NSUN6: variants seen among roughly 807,000 people sequenced by gnomAD.
NSUN6 encodes the protein tRNA (cytosine(72)-C(5))-methyltransferase NSUN6.
In NSUN6, 64 loss-of-function variants were observed where a neutral mutation model predicts 58.0. The observed-to-expected ratio is 1.10, with a 90% CI of 0.90 to 1.36. The LOEUF (loss-of-function observed/expected upper bound fraction) is 1.36. NSUN6 is among the 40% of genes most tolerant of loss of function. NSUN6 has a pLI of 0.00. For missense variants in NSUN6, 701 were observed against 550.1 expected (o/e 1.27, Z -2.74); for synonymous variants, 231 against 193.9 (o/e 1.19, Z -1.59).
At chr10:18,586,599 T>A (rs1357070365) in intron 7 of NSUN6, among the ~76,000 whole-genome samples, 1 of 151,960 alleles carries the variant, frequency 6.6e-6, no homozygotes. Flanking sequence ...TCCAGAGTTG[T>A]TTGTTCCTCC....
intron 8 of NSUN6, among the ~76,000 whole-genome samples, chr10:18,574,011 G>C (rs2056526221): frequency 6.6e-6 from 1 of 152,058 alleles, no homozygotes; most frequent in South Asian, 2.1e-4. Context: ...CTGAAGGAAA[G>C]GCTCATAACT....
intron 3 of NSUN6, among the ~76,000 whole-genome samples, chr10:18,625,730 A>T (rs1174585341): frequency 4.0e-5 from 6 of 148,462 alleles, no homozygotes; most frequent in African/African-American, 1.5e-4. Context: ...TAAAAAAAAA[A>T]AAAAAAAAAA....
intron 8 of NSUN6, among the ~76,000 whole-genome samples, chr10:18,563,379 C>T (rs538647957): frequency 4.2e-5 from 6 of 143,170 alleles, no homozygotes; most frequent in East Asian, 2.1e-4. Context: ...TGGAATGGAA[C>T]GGAGAATGGT....
rs576694628 is a variant in NSUN6, at chr10:18,576,248, T to G, written c.922+9701A>C. On this transcript the variant is annotated intron_variant, in intron 8 of 10. Coordinates refer to ENST00000377304, the MANE Select transcript of NSUN6 (RefSeq NM_182543.5). The stretch of plus-strand genomic sequence containing the variant: ...CACCTCAAACTACTGCATTTGATGC[T>G]TGCCTTCTTATACCCTATAAGGACT... Among the ~76,000 whole-genome samples, 15 of 152,258 alleles carry G rather than the reference T, an allele frequency of 9.9e-5. No individual in the cohort carries two copies. In the South Asian group the frequency reaches 3.1e-3, roughly 32 times the overall value.
rs572736323 is a variant in NSUN6 at position 18,577,739 on chromosome 10, C to A, written c.922+8210G>T. On this transcript the variant is annotated intron_variant, in intron 8 of 10. Coordinates refer to ENST00000377304, the MANE Select transcript of NSUN6 (RefSeq NM_182543.5). ...CTTCTACTTTTAAACTTAACTTCCT[C>A]GTAACCCAACCTTTATCGATCACCT... is the stretch of plus-strand genomic sequence containing the variant. Among the ~76,000 whole-genome samples the A allele has an allele frequency of 4.6e-5, 7 of 152,316 alleles. No individual in the cohort carries two copies. In the South Asian group the frequency reaches 6.2e-4, roughly 14 times the overall value.
chr10:18,656,429 C>T (rs1330499627), upstream of NSUN6, among the ~76,000 whole-genome samples: 1 of 152,108 alleles, frequency 6.6e-6, no homozygotes, highest in African/African-American at 2.4e-5. Flanking sequence ...CCCAGCTACT[C>T]AAGAGACTGA....
In NSUN6 at chr10:18,558,389, C is replaced by G. The variant is rs142004920; in HGVS notation, c.923-6418G>C. Among the ~76,000 whole-genome samples, 55 of 140,384 alleles carry G rather than the reference C, an allele frequency of 3.9e-4. 1 individual carries two copies. In the East Asian group the frequency reaches 5.7e-3, roughly 15 times the overall value. The allele number at this position is 140,384 out of a possible 152,430, so 92.1% of individuals were successfully genotyped here. A position where few individuals can be genotyped will look rare whatever the true frequency, so the allele number is the denominator to read the frequency against. On this transcript the variant is annotated intron_variant, in intron 8 of 10. Coordinates refer to ENST00000377304, the MANE Select transcript of NSUN6 (RefSeq NM_182543.5). Reference sequence around the variant, plus strand: ...ATGGAGTGGAGAATGGAATGGAATGCAGTGGTGAATAGAATGAAATGGAGA... The same window carrying G: ...ATGGAGTGGAGAATGGAATGGAATGGAGTGGTGAATAGAATGAAATGGAGA...
chr10:18,624,781 T>C (rs1201713666), intron 3 of NSUN6, among the ~76,000 whole-genome samples: 1 of 151,266 alleles, frequency 6.6e-6, no homozygotes, highest in African/African-American at 2.4e-5. Context: ...CTTGAGAGGA[T>C]GGGTCTTGGC....
intron 8 of NSUN6, among the ~76,000 whole-genome samples, chr10:18,583,471 G>A (rs367795642): frequency 6.6e-6 from 1 of 152,038 alleles, no homozygotes; most frequent in East Asian, 1.9e-4. Flanking sequence ...TATGAGATAT[G>A]CAAAGAAAAA....
At chr10:18,556,567 T>A (rs150026807) in intron 8 of NSUN6, among the ~76,000 whole-genome samples, 7,333 of 149,290 alleles carry the variant, frequency 0.049, 264 homozygotes, top group Non-Finnish European at 0.078. Context: ...AATGGAATGT[T>A]ATGGAATGGA....
At chr10:18,650,658 T>C (rs2059676831) in intron 1 of NSUN6, among the ~76,000 whole-genome samples, 1 of 152,190 alleles carries the variant, frequency 6.6e-6, no homozygotes, top group Admixed American at 6.5e-5. Context: ...CTTGAGCAGT[T>C]TTCTGCTCAA....
intron 3 of NSUN6, among the ~76,000 whole-genome samples, chr10:18,620,998 T>C (rs2058585949): frequency 6.6e-6 from 1 of 152,242 alleles, no homozygotes; most frequent in South Asian, 2.1e-4. Context: ...TCTGTTATCT[T>C]TGAAAAGCCT....
chr10:18,554,596 T>G (rs1173774131), intron 8 of NSUN6, among the ~76,000 whole-genome samples: 4 of 150,076 alleles, frequency 2.7e-5, no homozygotes, highest in African/African-American at 9.8e-5. Context: ...GAGAATGGAA[T>G]GGACTGTAGT....
At chr10:18,646,130 G>A (rs899093737) in intron 2 of NSUN6, among the ~76,000 whole-genome samples, 1 of 152,098 alleles carries the variant, frequency 6.6e-6, no homozygotes, top group Non-Finnish European at 1.5e-5. Context: ...GGGAGGCAGA[G>A]GTTGCAGTGA....
chr10:18,632,098 C>A lies in NSUN6; in HGVS notation c.311+10378G>T, dbSNP rs2059051905. Among the ~76,000 whole-genome samples the A allele has an allele frequency of 1.3e-5, 2 of 150,830 alleles. 1 individual carries two copies. The highest frequency in any genetic ancestry group is 4.2e-4 in the South Asian group (2 of 4,748). ...CAGAACAGAGCCCTCAGAAATAATG[C>A]CGCATATCTACAACTATCTGATCTT... On this transcript the variant is annotated intron_variant, in intron 3 of 10. Coordinates refer to ENST00000377304, the MANE Select transcript of NSUN6 (RefSeq NM_182543.5).
rs71402191 is a variant in NSUN6, at chr10:18,645,157, C to CAA, written c.232-2604_232-2603dup. ...TGGCTGACAGAGCGAGACTCCCTCT[C>CAA]AAAAAAAAAAAAAAAAAAAAAGAAA... On this transcript the variant is annotated intron_variant, in intron 2 of 10. Transcript: ENST00000377304. Among the ~76,000 whole-genome samples the CAA allele has an allele frequency of 3.4e-3, 358 of 106,088 alleles. 3 individuals are homozygous for CAA. The highest frequency in any genetic ancestry group is 0.011 in the African/African-American group (316 of 28,724). 69.6% of individuals were successfully genotyped at this position (106,088 alleles called of 152,430 possible). A position where few individuals can be genotyped will look rare whatever the true frequency, so the allele number is the denominator to read the frequency against.
At chr10:18,627,278 A>G (rs1053994956) in intron 3 of NSUN6, among the ~76,000 whole-genome samples, 4 of 152,240 alleles carry the variant, frequency 2.6e-5, no homozygotes, top group African/African-American at 9.6e-5. Flanking sequence ...TGTTTACTGT[A>G]TATAAAGTTT....
At chr10:18,615,106 C>CATAT (rs5783616) in intron 4 of NSUN6, among the ~76,000 whole-genome samples, 26,056 of 146,596 alleles carry the variant, frequency 0.18, 2,509 homozygotes, top group South Asian at 0.25. Context: ...TATAGTCATT[C>CATAT]ATATATATAT....
chr10:18,575,323 AG>A (rs2056596013), intron 8 of NSUN6, among the ~76,000 whole-genome samples: 2 of 152,214 alleles, frequency 1.3e-5, no homozygotes, highest in African/African-American at 2.4e-5. Context: ...TTCAGTCCAA[AG>A]TATCCAAGTT....
Sources: allele counts gnomAD v4.1 joint callset (sites outside exome capture counted in the v4.1 genomes callset), GRCh38; gene constraint gnomAD v4.1.1; transcripts MANE v1.5; gene names NCBI Gene and HGNC (gene_info 2026-07-23, HGNC 2026-07-21).